Variants in PCLO observed in about 807,000 individuals in gnomAD.
PCLO encodes the protein protein piccolo.
Under a neutral mutation model 427.5 loss-of-function variants are expected in PCLO, and 82 were observed. That is an observed-to-expected ratio of 0.19 (90% CI 0.16 to 0.23). PCLO has a LOEUF of 0.23. Ranked by LOEUF, PCLO falls within the 10% of genes least tolerant of loss-of-function variation. PCLO has a pLI of 1.00. For missense variants in PCLO, 6,239 were observed against 6,115.9 expected, an observed-to-expected ratio of 1.02 and a Z score of -0.67; for synonymous variants, 2,357 against 2,155.4, an observed-to-expected ratio of 1.09 and a Z score of -2.59.
chr7:83,132,078 A>G (rs923516017), intron 3 of PCLO, among the ~76,000 whole-genome samples: 3 of 152,056 alleles, frequency 2.0e-5, no homozygotes, highest in African/African-American at 7.3e-5. Flanking sequence ...GATAGAGACT[A>G]CCTGAACATG....
chr7:82,821,961 C>T, intron 20 of PCLO: 1 of 985,688 alleles, frequency 1.0e-6, no homozygotes, highest in Non-Finnish European at 1.2e-6. Flanking sequence ...TTTTAAAGCA[C>T]TGTCTTGAAA....
chr7:82,939,838 GT>G (rs1795039534), intron 6 of PCLO, among the ~76,000 whole-genome samples: 1 of 151,164 alleles, frequency 6.6e-6, no homozygotes, highest in Non-Finnish European at 1.5e-5. Flanking sequence ...GAATAACAAA[GT>G]TTTTTTGAAA....
chr7:82,991,331 G>C (rs1435919364), intron 3 of PCLO, among the ~76,000 whole-genome samples: 1 of 151,894 alleles, frequency 6.6e-6, no homozygotes, highest in Non-Finnish European at 1.5e-5. Context: ...CTGCACTCCA[G>C]CCTAGGTGAC....
intron 3 of PCLO, among the ~76,000 whole-genome samples, chr7:83,130,459 G>A (rs1283275047): frequency 2.0e-5 from 3 of 152,172 alleles, no homozygotes; most frequent in Non-Finnish European, 4.4e-5. Flanking sequence ...TTACAGGCAT[G>A]AGCCACTGTG....
intron 10 of PCLO, chr7:82,867,963 T>G (rs1409549710): frequency 5.6e-6 from 2 of 356,838 alleles, no homozygotes; most frequent in African/African-American, 4.3e-5. Context: ...ACCAGTAATT[T>G]GTATTTTTCT....
Position 83,134,754 on chromosome 7 carries a change from A to G in PCLO, c.2796T>C (p.Phe932=). The part of the protein sequence containing the change: ...TPQETVTGKL[F]GFGASIFSQA... ...GGCTGAAGATTGATGCTCCAAACCC[A>G]AAGAGTTTCCCAGTCACGGTCTCTT... Residue 932 remains phenylalanine, a synonymous_variant, in exon 3 of 25, where the codon TTT becomes TTC. Coordinates refer to ENST00000333891, the MANE Select transcript of PCLO (RefSeq NM_033026.6). The G allele has an allele frequency of 1.2e-6, 2 of 1,613,916 alleles. No homozygotes were observed. Among genetic ancestry groups the G allele is most frequent in the Non-Finnish European group, 1.7e-6 (2 of 1,179,880 alleles).
At chr7:83,056,651 T>C (rs1201161027) in intron 3 of PCLO, among the ~76,000 whole-genome samples, 1 of 152,008 alleles carries the variant, frequency 6.6e-6, no homozygotes, top group African/African-American at 2.4e-5. Flanking sequence ...AATCTCCAAA[T>C]TACATAAATC....
intron 9 of PCLO, among the ~76,000 whole-genome samples, chr7:82,899,931 A>G (rs1384884367): frequency 6.6e-6 from 1 of 151,622 alleles, no homozygotes; most frequent in African/African-American, 2.4e-5. Context: ...GAAGATTTCC[A>G]TTATACATCA....
chr7:83,094,710 TGG>T (rs1790488361), intron 3 of PCLO, among the ~76,000 whole-genome samples: 3 of 152,284 alleles, frequency 2.0e-5, no homozygotes, highest in South Asian at 2.1e-4. Flanking sequence ...TGTGGACAAG[TGG>T]TTGTATGAAC....
Position 82,915,079 on chromosome 7 carries a change from A to T in PCLO, c.12907T>A (p.Leu4303Ile), listed in dbSNP as rs1480044600. The T allele has an allele frequency of 8.1e-6, 13 of 1,607,400 alleles. No individual in the cohort carries two copies. Among genetic ancestry groups the T allele is most frequent in the Non-Finnish European group, 1.1e-5 (13 of 1,176,374 alleles). The part of the protein sequence containing the change: ...SRPSSVYGLD[L>I]SIKRDSSSSS... ...CTAGAAGAATCCCTTTTAATTGATA[A>T]ATCAAGCCCATAGACAGAGGAAGGT... is the stretch of plus-strand genomic sequence containing the variant. Residue 4303 changes from leucine to isoleucine, a missense_variant, in exon 7 of 25, where the codon TTA becomes ATA. Leu to Ile is a conservative substitution (Grantham distance 5). Coordinates refer to ENST00000333891, the MANE Select transcript of PCLO (RefSeq NM_033026.6).
At position 82,952,473 on chromosome 7, in the gene PCLO, G is replaced by T; in HGVS notation, c.8480C>A (p.Thr2827Lys). 6.2e-7 allele frequency: 1 copy of T among 1,613,930 alleles called. No homozygotes were observed. Among genetic ancestry groups the T allele is most frequent in the South Asian group, 1.1e-5 (1 of 91,084 alleles). ...TGGGGGCTCAGCATGCTTTGATGTT[G>T]TAAGTTGGAGTGGTGTTGTCATTGC... is the stretch of plus-strand genomic sequence containing the variant. ...EHAMTTPLQLTTSKHAEPPYR... is the reference protein window; with the variant it reads ...EHAMTTPLQLKTSKHAEPPYR... Residue 2827 changes from threonine to lysine, a missense_variant, in exon 5 of 25, where the codon ACA (threonine) becomes AAA (lysine). Thr to Lys is a moderately conservative substitution (Grantham distance 78). Around this residue, in one of 5 missense-constraint regions of PCLO, gnomAD observed 4,677 missense variants for 4,468.4 expected, o/e 1.05. Coordinates refer to ENST00000333891, the MANE Select transcript of PCLO (RefSeq NM_033026.6).
At chr7:83,058,955 C>T (rs1423219966) in intron 3 of PCLO, among the ~76,000 whole-genome samples, 1 of 151,972 alleles carries the variant, frequency 6.6e-6, no homozygotes, top group African/African-American at 2.4e-5. Context: ...TGGCAGTCCT[C>T]TCCCCCCTCC....
chr7:82,808,554 TG>T (rs1791504658), intron 20 of PCLO, among the ~76,000 whole-genome samples: 1 of 151,928 alleles, frequency 6.6e-6, no homozygotes, highest in Non-Finnish European at 1.5e-5. Context: ...ATTCTCATTT[TG>T]AAAGCCTGTG....
intron 3 of PCLO, among the ~76,000 whole-genome samples, chr7:82,993,868 G>C (rs1728804885): frequency 6.6e-6 from 1 of 151,932 alleles, no homozygotes; most frequent in African/African-American, 2.4e-5. Flanking sequence ...TCAAGGACAA[G>C]GATAAAGCTG....
At chr7:83,103,078 T>A (rs1381685094) in intron 3 of PCLO, among the ~76,000 whole-genome samples, 1 of 151,912 alleles carries the variant, frequency 6.6e-6, no homozygotes, top group Admixed American at 6.6e-5. Flanking sequence ...CAAGTAAATA[T>A]CATAGAGAAG....
At position 82,760,724 on chromosome 7, in the gene PCLO, T is replaced by G. The variant is rs1790412583; in HGVS notation, c.15203A>C (p.Lys5068Thr). 6.3e-7 allele frequency: 1 copy of G among 1,577,298 alleles called. No homozygotes were observed. Among genetic ancestry groups the G allele is most frequent in the South Asian group, 1.1e-5 (1 of 88,964 alleles). Residue 5068 changes from lysine to threonine, a missense_variant, in exon 24 of 25, where the codon AAA becomes ACA. By Grantham distance (78) the Lys-to-Thr change is moderately conservative. Transcript: ENST00000333891. ...ISTQKKVIKK[K>T]TRVCRHDREP... is the part of the protein sequence containing the mutation. ...TCGATCATGTCTGCATACTCTTGTT[T>G]TTTTCTTGATCACCTTTTTTTGGGT...
chr7:82,995,771 A>T (rs2115872630), intron 3 of PCLO, among the ~76,000 whole-genome samples: 1 of 152,042 alleles, frequency 6.6e-6, no homozygotes, highest in East Asian at 1.9e-4. Flanking sequence ...AATAGTACTT[A>T]TCTCATTCAG....
chr7:83,036,518 C>T (rs974721328), intron 3 of PCLO, among the ~76,000 whole-genome samples: 1 of 152,026 alleles, frequency 6.6e-6, no homozygotes, highest in Non-Finnish European at 1.5e-5. Context: ...TTTCTTTTGC[C>T]TGCTTTTCTT....
At chr7:83,009,017 C>T (rs1466852472) in intron 3 of PCLO, among the ~76,000 whole-genome samples, 1 of 151,580 alleles carries the variant, frequency 6.6e-6, no homozygotes, top group Non-Finnish European at 1.5e-5. Context: ...TCCAGCAATT[C>T]TATACCCATA....
Sources: allele counts gnomAD v4.1 joint callset (sites outside exome capture counted in the v4.1 genomes callset), GRCh38; gene constraint gnomAD v4.1.1; regional missense constraint gnomAD v4.1.1; transcripts MANE v1.5; gene names NCBI Gene and HGNC (gene_info 2026-07-23, HGNC 2026-07-21).